GGT1: variants seen among roughly 807,000 people sequenced by gnomAD.
GGT1 encodes glutathione hydrolase 1 proenzyme.
Under a neutral mutation model 56.0 loss-of-function variants are expected in GGT1, and 21 were observed. The observed-to-expected ratio is 0.38, with a 90% CI of 0.27 to 0.54. The LOEUF (loss-of-function observed/expected upper bound fraction) is 0.54. Among genes scored for constraint, GGT1 ranks in the 20% least tolerant of loss-of-function variants. The probability of loss-of-function intolerance (pLI) is 0.82; values close to 1 mark genes in which losing one functional copy is unlikely to be tolerated. For synonymous variants in GGT1, 238 were observed against 342.6 expected (o/e 0.69, Z 3.37); for missense variants, 466 against 787.0 (o/e 0.59, Z 4.88).
intron 11 of GGT1, among the ~76,000 whole-genome samples, chr22:24,626,504 ATT>A (rs1039600961): frequency 4.2e-5 from 6 of 143,926 alleles, no homozygotes; most frequent in Non-Finnish European, 9.3e-5. Flanking sequence ...TTATTTATTT[ATT>A]TTTTTTAATA....
Position 24,620,088 on chromosome 22 carries a change from C to T in GGT1, c.383-240C>T, listed in dbSNP as rs370512337. On this transcript the variant is annotated intron_variant, in intron 7 of 15. Coordinates refer to ENST00000400382, the MANE Select transcript of GGT1 (RefSeq NM_001288833.2). This position sits in a 1 kb window ranked among gnomAD's most constrained non-coding sequence, Gnocchi z 5.6. ...CCCCTTCTGCTAGGTGTGCTGTTCA[C>T]GCCTGTAATCTCAGCGACTCAGGAG... 7.4e-4 allele frequency among the ~76,000 whole-genome samples: 113 copies of T among 152,088 alleles called. 1 individual carries two copies. In the South Asian group the frequency reaches 0.021, roughly 28 times the overall value.
chr22:24,608,378 C>T (rs1478924172), intron 2 of GGT1, among the ~76,000 whole-genome samples: 2 of 152,234 alleles, frequency 1.3e-5, no homozygotes, highest in Non-Finnish European at 2.9e-5. Flanking sequence ...GTCCCCTGCT[C>T]CTCCAGCAGC....
At chr22:24,621,872 G>A (rs1285909276) in intron 9 of GGT1, among the ~76,000 whole-genome samples, 3 of 151,800 alleles carry the variant, frequency 2.0e-5, no homozygotes, top group Admixed American at 6.6e-5. Context: ...CCAACATGGC[G>A]AAACCCTGTC....
the GGT1 span, chr22:24,589,427 C>G: frequency 2.5e-5 from 25 of 993,526 alleles, 1 homozygote; most frequent in Non-Finnish European, 3.1e-5. Flanking sequence ...CCGAGAGCGG[C>G]TCTCTTCTGG....
chr22:24,596,742 C>CA (rs57547019), intron 1 of GGT1, among the ~76,000 whole-genome samples: 3,714 of 108,308 alleles, frequency 0.034, 209 homozygotes, highest in African/African-American at 0.12. Flanking sequence ...TACTAAAATA[C>CA]AAAAAAAAAA....
intron 11 of GGT1, chr22:24,627,027 C>T (rs1427328511): frequency 6.5e-6 from 1 of 153,160 alleles, no homozygotes; most frequent in Non-Finnish European, 1.4e-5. Context: ...CTCTTGATTC[C>T]CCTTACCTGG....
At chr22:24,588,221 G>T in the GGT1 span, 1 of 1,612,228 alleles carries the variant, frequency 6.2e-7, no homozygotes, top group East Asian at 2.2e-5. Flanking sequence ...TACCAGCTCT[G>T]GGTCTTCCTC....
At chr22:24,588,492 G>A in the GGT1 span, 1 of 758,334 alleles carries the variant, frequency 1.3e-6, no homozygotes, top group Non-Finnish European at 2.1e-6. Flanking sequence ...CCCCAACCCG[G>A]CTGTGGCCTG....
chr22:24,612,601 G>C (rs5760497), intron 5 of GGT1, among the ~76,000 whole-genome samples: 1 of 151,370 alleles, frequency 6.6e-6, no homozygotes, highest in Non-Finnish European at 1.5e-5. Context: ...ATCTCGGCTC[G>C]CTGCAACCTC....
At chr22:24,606,000 T>C (rs1348122901) in intron 1 of GGT1, among the ~76,000 whole-genome samples, 2 of 56,434 alleles carry the variant, frequency 3.5e-5, no homozygotes, top group African/African-American at 1.7e-4. Context: ...TTATATAATT[T>C]ATATAATATA....
upstream of GGT1, among the ~76,000 whole-genome samples, chr22:24,593,537 C>T (rs1278533553): frequency 6.6e-6 from 1 of 152,174 alleles, no homozygotes; most frequent in African/African-American, 2.4e-5. Flanking sequence ...CCTGTAATCC[C>T]AGCACTTTGG....
At chr22:24,611,349 G>T in intron 5 of GGT1, 104 bp downstream of exon 5, 2 of 760,068 alleles carry the variant, frequency 2.6e-6, no homozygotes, top group South Asian at 1.6e-5. Flanking sequence ...TGTAAGCTTC[G>T]CTTGGACTCT....
At chr22:24,607,396 G>A (rs1275888033) in intron 1 of GGT1, among the ~76,000 whole-genome samples, 1 of 152,196 alleles carries the variant, frequency 6.6e-6, no homozygotes, top group African/African-American at 2.4e-5. Context: ...GACAGGGAGA[G>A]CCAGAGGGAA....
intron 1 of GGT1, among the ~76,000 whole-genome samples, chr22:24,605,085 AT>A (rs2045969246): frequency 1.7e-4 from 3 of 17,812 alleles, no homozygotes; most frequent in African/African-American, 5.5e-4. Context: ...TATATAAAGT[AT>A]ATTATATAAT....
At position 24,620,616 on chromosome 22, in the gene GGT1, A is replaced by G. The variant is rs2047356200; in HGVS notation, c.575+96A>G. The G allele has an allele frequency of 1.3e-6, 2 of 1,593,640 alleles. No homozygotes were observed. Among genetic ancestry groups the G allele is most frequent in the African/African-American group, 1.3e-5 (1 of 74,594 alleles). ...AGCAGTGGAGCAGCCCTCTGCCTTC[A>G]GGACCCTGTGCTGATAATGGGATGA... On this transcript the variant is annotated intron_variant, in intron 8 of 15. Transcript: ENST00000400382. The surrounding 1 kb of genome is among the most constrained non-coding windows in gnomAD (Gnocchi z 5.6).
At chr22:24,598,413 A>C, upstream of GGT1, among the ~76,000 whole-genome samples, 1 of 140,116 alleles carries the variant, frequency 7.1e-6, no homozygotes, top group Admixed American at 7.8e-5. Flanking sequence ...GCACTCTAGC[A>C]TGGGCAACAG....
At chr22:24,593,155 C>T (rs2045625623), upstream of GGT1, 1 of 982,482 alleles carries the variant, frequency 1.0e-6, no homozygotes, top group Non-Finnish European at 1.2e-6. Flanking sequence ...CGTCCGGGTC[C>T]GAAGGCTGAG....
At chr22:24,592,970 C>A, upstream of GGT1, 1 of 1,174,068 alleles carries the variant, frequency 8.5e-7, no homozygotes, top group East Asian at 3.8e-5. Flanking sequence ...GGCGCGGGCC[C>A]GCAGCCGGCC....
At chr22:24,615,550 C>T (rs1052568600) in intron 7 of GGT1, among the ~76,000 whole-genome samples, 2 of 152,160 alleles carry the variant, frequency 1.3e-5, no homozygotes, top group African/African-American at 4.8e-5. Flanking sequence ...TCACGCAAAT[C>T]AGTTGAGGTC....
Sources: gnomAD v4.1 joint callset for allele counts (sites outside exome capture counted in the v4.1 genomes callset) on GRCh38, gnomAD v4.1.1 for gene constraint, Gnocchi (gnomAD v3.1) non-coding constraint, MANE v1.5 for transcripts, NCBI Gene and HGNC (gene_info 2026-07-23, HGNC 2026-07-21) for gene names.